The following EFCAB5 variants were observed in gnomAD, a reference collection of about 807,000 sequenced individuals.
EFCAB5 encodes EF-hand calcium-binding domain-containing protein 5.
EFCAB5 carries 131 observed loss-of-function variants against 167.9 expected under a neutral mutation model. The observed-to-expected ratio is 0.78, with a 90% CI of 0.68 to 0.90. The LOEUF (loss-of-function observed/expected upper bound fraction) is 0.90, where lower values mean the gene tolerates loss of function less well. EFCAB5 is among the 40% of genes least tolerant of loss of function. EFCAB5 has a pLI of 0.00. For missense variants in EFCAB5, 1,663 were observed against 1,745.2 expected (o/e 0.95, Z 0.84); for synonymous variants, 574 against 602.8 (o/e 0.95, Z 0.70).
chr17:30,062,317 A>G (rs969663273), intron 14 of EFCAB5, among the ~76,000 whole-genome samples: 1 of 152,208 alleles, frequency 6.6e-6, no homozygotes, highest in South Asian at 2.1e-4. Context: ...AGATGGCCAC[A>G]TAGAGAACAG....
intron 22 of EFCAB5, among the ~76,000 whole-genome samples, chr17:30,096,675 ATATT>A (rs1431342012): frequency 1.5e-4 from 11 of 71,834 alleles, no homozygotes; most frequent in South Asian, 1.0e-3. Flanking sequence ...ATATATATAT[ATATT>A]TTTTTTTTTT....
intron 3 of EFCAB5, among the ~76,000 whole-genome samples, chr17:29,946,730 G>A (rs1254832339): frequency 2.0e-5 from 3 of 151,980 alleles, no homozygotes; most frequent in African/African-American, 2.4e-5. Context: ...GAGCCACCAC[G>A]CCCGGCTGAG....
intron 19 of EFCAB5, among the ~76,000 whole-genome samples, chr17:30,090,016 C>T (rs925341361): frequency 1.3e-5 from 2 of 152,216 alleles, no homozygotes; most frequent in African/African-American, 4.8e-5. Context: ...ATAAGCATCC[C>T]TGTCTCAGGC....
chr17:30,104,515 T>G (rs756924863), intron 22 of EFCAB5, among the ~76,000 whole-genome samples: 1 of 151,412 alleles, frequency 6.6e-6, no homozygotes, highest in Non-Finnish European at 1.5e-5. Flanking sequence ...CTTAGATATA[T>G]TCAAATAATT....
intron 7 of EFCAB5, among the ~76,000 whole-genome samples, chr17:30,017,549 A>G (rs1436915674): frequency 6.6e-6 from 1 of 152,196 alleles, no homozygotes; most frequent in Non-Finnish European, 1.5e-5. Context: ...GAGGAAAAAG[A>G]CACTAAAGTG....
intron 20 of EFCAB5, 58 bp from the exon 21 acceptor site, chr17:30,091,813 T>C (rs1567773466): frequency 2.6e-6 from 4 of 1,546,818 alleles, no homozygotes; most frequent in Non-Finnish European, 3.5e-6. Flanking sequence ...GAAAAAGTAA[T>C]GTACAGCAAT....
intron 7 of EFCAB5, among the ~76,000 whole-genome samples, chr17:30,010,581 C>T (rs1190753006): frequency 1.3e-5 from 2 of 151,702 alleles, no homozygotes; most frequent in African/African-American, 4.8e-5. Flanking sequence ...TTTTTCATGT[C>T]TGTTGGCTGC....
At chr17:30,023,586 G>A (rs2069238420) in intron 7 of EFCAB5, among the ~76,000 whole-genome samples, 1 of 151,908 alleles carries the variant, frequency 6.6e-6, no homozygotes, top group Non-Finnish European at 1.5e-5. Flanking sequence ...ATTCGCTGCC[G>A]AATTCTACCA....
chr17:30,020,063 A>C (rs921320766), intron 7 of EFCAB5, among the ~76,000 whole-genome samples: 1 of 152,168 alleles, frequency 6.6e-6, no homozygotes, highest in Non-Finnish European at 1.5e-5. Flanking sequence ...TTCACTTAGC[A>C]TAATGTCTTC....
Position 30,055,915 on chromosome 17 carries a change from A to T in EFCAB5, c.2222A>T (p.Asp741Val), listed in dbSNP as rs371387519. The T allele has an allele frequency of 6.2e-7, 1 of 1,613,552 alleles. No individual in the cohort carries two copies. The change falls in exon 11 of 23, where the codon GAC becomes GTC. Residue 741 changes from aspartate (D) to valine (V), a missense_variant. Transcript: ENST00000394835. ...PETTKKEVQK[D>V]KPCEPKSQKI... ...ACTACAAAAAAGGAAGTTCAGAAAG[A>T]CAAGCCCTGTGAACCCAAGTCCCAA...
chr17:30,033,015 G>T (rs1395104546), intron 7 of EFCAB5, among the ~76,000 whole-genome samples: 2 of 152,062 alleles, frequency 1.3e-5, no homozygotes, highest in South Asian at 4.2e-4. Flanking sequence ...GGATCATGCA[G>T]TGTAACTTTG....
chr17:30,092,163 T>C lies in EFCAB5; in HGVS notation c.4224+6T>C, dbSNP rs760122531. The C allele has an allele frequency of 2.5e-5, 40 of 1,592,724 alleles. No homozygotes were observed. The South Asian group carries it at 3.7e-4, about 15-fold the overall frequency. ...GTTGGGATAAGTGTAAATTTGTAAGTTTTTTTTTAAAAAGCACCTTTTAAA... is the reference window on the plus strand; with the variant it reads ...GTTGGGATAAGTGTAAATTTGTAAGCTTTTTTTTAAAAAGCACCTTTTAAA... On this transcript the variant is annotated splice_donor_region_variant and intron_variant, in intron 21 of 22. Coordinates refer to ENST00000394835, the MANE Select transcript of EFCAB5 (RefSeq NM_198529.4).
chr17:30,034,598 T>C (rs865883714), intron 8 of EFCAB5, among the ~76,000 whole-genome samples: 2 of 152,094 alleles, frequency 1.3e-5, no homozygotes, highest in South Asian at 2.1e-4. Flanking sequence ...TTTGTTTGTA[T>C]CTCCATGTCC....
chr17:30,009,678 A>G (rs190473296), intron 7 of EFCAB5, among the ~76,000 whole-genome samples: 1 of 152,278 alleles, frequency 6.6e-6, no homozygotes, highest in Admixed American at 6.5e-5. Context: ...GGCTACTGTA[A>G]ATAATACCAC....
intron 22 of EFCAB5, among the ~76,000 whole-genome samples, chr17:30,100,516 C>T (rs2071367435): frequency 6.6e-6 from 1 of 152,058 alleles, no homozygotes; most frequent in Non-Finnish European, 1.5e-5. Context: ...GCCTGTAATC[C>T]CAGCACTCTG....
intron 4 of EFCAB5, among the ~76,000 whole-genome samples, chr17:29,977,190 C>A (rs2068079505): frequency 6.6e-6 from 1 of 151,986 alleles, no homozygotes; most frequent in South Asian, 2.1e-4. Flanking sequence ...GTCATTACCA[C>A]CTTATTATGA....
chr17:30,013,678 T>C (rs2068961558), intron 7 of EFCAB5, among the ~76,000 whole-genome samples: 1 of 152,218 alleles, frequency 6.6e-6, no homozygotes, highest in South Asian at 2.1e-4. Context: ...TTGCGTCTAT[T>C]TGATTCTTCT....
At chr17:30,090,812 T>A in intron 20 of EFCAB5, 138 bp downstream of exon 20, 1 of 1,258,040 alleles carries the variant, frequency 7.9e-7, no homozygotes, top group Non-Finnish European at 1.1e-6. Context: ...GGAATTCCCT[T>A]ATGCAGTCTT....
chr17:29,997,243 T>TAA (rs1180178203), intron 6 of EFCAB5, among the ~76,000 whole-genome samples: 4 of 130,752 alleles, frequency 3.1e-5, no homozygotes, highest in Admixed American at 7.8e-5. Flanking sequence ...AGACTCCTTC[T>TAA]AAAAAAAAAA....
Sources: gnomAD v4.1 joint callset for allele counts (sites outside exome capture counted in the v4.1 genomes callset) on GRCh38, gnomAD v4.1.1 for gene constraint, MANE v1.5 for transcripts, NCBI Gene and HGNC (gene_info 2026-07-23, HGNC 2026-07-21) for gene names.